SLIT3: variants seen among roughly 807,000 people sequenced by gnomAD.
SLIT3 encodes the protein slit homolog 3 protein.
A neutral mutation model predicts 184.0 loss-of-function variants in SLIT3; 68 were observed. That is an observed-to-expected ratio of 0.37 (90% confidence interval 0.30 to 0.45). SLIT3 has a LOEUF of 0.45. Among genes scored for constraint, SLIT3 ranks in the 20% least tolerant of loss-of-function variants. The pLI is 1.00. For synonymous variants in SLIT3, 831 were observed against 828.6 expected (o/e 1.00, Z -0.05); for missense variants, 1,707 against 2,026.0 (o/e 0.84, Z 3.02).
chr5:168,689,570 T>A (rs1761848052), intron 29 of SLIT3, among the ~76,000 whole-genome samples: 1 of 152,238 alleles, frequency 6.6e-6, no homozygotes, highest in Non-Finnish European at 1.5e-5. Flanking sequence ...GGATGTTGGA[T>A]AATACACCTT....
chr5:169,152,682 C>G (rs1429098104), intron 4 of SLIT3, among the ~76,000 whole-genome samples: 1 of 152,186 alleles, frequency 6.6e-6, no homozygotes, highest in Non-Finnish European at 1.5e-5. Context: ...GACAGCAGGC[C>G]TGCCCAGTGT....
At chr5:168,797,915 A>G (rs1235162630) in intron 9 of SLIT3, among the ~76,000 whole-genome samples, 2 of 152,154 alleles carry the variant, frequency 1.3e-5, no homozygotes, top group Admixed American at 6.5e-5. Flanking sequence ...AAATGGAGGA[A>G]CTGAAGGGGA....
At chr5:168,870,427 C>T (rs1045791689) in intron 5 of SLIT3, among the ~76,000 whole-genome samples, 4 of 152,242 alleles carry the variant, frequency 2.6e-5, no homozygotes, top group African/African-American at 9.6e-5. Context: ...TCCCAGTCAA[C>T]ACCAACCCTT....
At chr5:168,700,292 A>C (rs1156930390) in intron 27 of SLIT3, among the ~76,000 whole-genome samples, 3 of 152,178 alleles carry the variant, frequency 2.0e-5, no homozygotes, top group Non-Finnish European at 2.9e-5. Context: ...AGATAATTGA[A>C]TCACGGGGGC....
intron 4 of SLIT3, among the ~76,000 whole-genome samples, chr5:169,044,546 G>T (rs1286041589): frequency 3.1e-5 from 4 of 129,404 alleles, no homozygotes; most frequent in Admixed American, 9.7e-5. Flanking sequence ...AATCCATAGA[G>T]ACAAAAAGTA....
chr5:169,005,520 C>T lies in SLIT3; in HGVS notation c.414-122184G>A, dbSNP rs1310638787. On this transcript the variant is annotated intron_variant, in intron 4 of 35. Coordinates refer to ENST00000519560, the MANE Select transcript of SLIT3 (RefSeq NM_003062.4). ...CACCACCAGCATCTTCCCTGATGAC[C>T]TGGGCCAAGGTTGAATGAGAATGGA... Among the ~76,000 whole-genome samples the T allele has an allele frequency of 4.6e-5, 7 of 152,288 alleles. No homozygotes were observed. In the East Asian group the frequency reaches 1.2e-3, roughly 25 times the overall value.
At chr5:168,997,220 C>G (rs1254634333) in intron 4 of SLIT3, among the ~76,000 whole-genome samples, 1 of 152,090 alleles carries the variant, frequency 6.6e-6, no homozygotes, top group Non-Finnish European at 1.5e-5. Flanking sequence ...ACACTGGGAC[C>G]TGGGAAAAGC....
At chr5:168,784,686 C>T (rs1485390626) in intron 12 of SLIT3, among the ~76,000 whole-genome samples, 2 of 152,112 alleles carry the variant, frequency 1.3e-5, no homozygotes, top group East Asian at 3.9e-4. Context: ...GGGCATCAAC[C>T]ACATAAGATG....
intron 20 of SLIT3, among the ~76,000 whole-genome samples, chr5:168,735,992 T>A (rs1473546881): frequency 6.6e-6 from 1 of 152,138 alleles, no homozygotes; most frequent in Admixed American, 6.5e-5. Flanking sequence ...CACCTTGAGG[T>A]CTTCATAAAA....
intron 29 of SLIT3, among the ~76,000 whole-genome samples, chr5:168,689,915 C>A (rs1224726968): frequency 6.6e-6 from 1 of 152,134 alleles, no homozygotes; most frequent in East Asian, 1.9e-4. Context: ...GGCCTGTAGA[C>A]CTTTTCAAGA....
At chr5:168,728,948 C>T (rs1403413400) in intron 20 of SLIT3, among the ~76,000 whole-genome samples, 2 of 146,972 alleles carry the variant, frequency 1.4e-5, no homozygotes, top group Non-Finnish European at 3.0e-5. Context: ...AAAAAAAAAG[C>T]CAACTGAGAA....
chr5:168,795,358 C>G (rs781403958), intron 10 of SLIT3, 149 bp downstream of exon 10: 13 of 663,536 alleles, frequency 2.0e-5, no homozygotes, highest in Non-Finnish European at 3.6e-5. Context: ...TCTTACCTCC[C>G]AAGCTTAGGA....
At chr5:168,858,114 AG>A (rs1227508857) in intron 5 of SLIT3, among the ~76,000 whole-genome samples, 4 of 152,244 alleles carry the variant, frequency 2.6e-5, no homozygotes, top group African/African-American at 7.2e-5. Context: ...ATAATTTCAT[AG>A]CTTTTAGAAA....
chr5:168,986,434 A>G (rs1229991551), intron 4 of SLIT3, among the ~76,000 whole-genome samples: 2 of 152,116 alleles, frequency 1.3e-5, no homozygotes, highest in Non-Finnish European at 1.5e-5. Context: ...GGGTACCATG[A>G]TGCTTTTCAG....
At chr5:169,055,752 A>G (rs1170827572) in intron 4 of SLIT3, among the ~76,000 whole-genome samples, 1 of 151,284 alleles carries the variant, frequency 6.6e-6, no homozygotes, top group East Asian at 1.9e-4. Flanking sequence ...AATGGTTTGA[A>G]CCCGGGAGGC....
chr5:168,988,778 C>CCG (rs76372436), intron 4 of SLIT3, among the ~76,000 whole-genome samples: 2 of 140,616 alleles, frequency 1.4e-5, no homozygotes, highest in Admixed American at 7.0e-5. Context: ...AGGAGACCCC[C>CCG]CCCCAGGGGC....
At chr5:168,855,389 A>G (rs1408841362) in intron 5 of SLIT3, among the ~76,000 whole-genome samples, 2 of 152,242 alleles carry the variant, frequency 1.3e-5, no homozygotes, top group African/African-American at 4.8e-5. Flanking sequence ...AAAGAATTAA[A>G]AACAGGTGTT....
chr5:169,206,313 A>G (rs549406393), intron 3 of SLIT3, among the ~76,000 whole-genome samples: 10 of 152,310 alleles, frequency 6.6e-5, no homozygotes, highest in Admixed American at 2.6e-4. Context: ...GACCCCCAAA[A>G]CAATGCAGCA....
chr5:169,228,062 T>G (rs750446099), intron 3 of SLIT3, among the ~76,000 whole-genome samples: 1 of 152,254 alleles, frequency 6.6e-6, no homozygotes, highest in South Asian at 2.1e-4. Context: ...GAAATGACTA[T>G]GATGGCCCTA....
Sources: allele counts gnomAD v4.1 joint callset (sites outside exome capture counted in the v4.1 genomes callset), GRCh38; gene constraint gnomAD v4.1.1; transcripts MANE v1.5; gene names NCBI Gene and HGNC (gene_info 2026-07-23, HGNC 2026-07-21).